Variants in SLC15A1 observed in about 807,000 individuals in gnomAD.
SLC15A1 encodes the protein Caco-2 oligopeptide transporter.
In SLC15A1, 83 loss-of-function variants were observed where a neutral mutation model predicts 92.9. That is an observed-to-expected ratio of 0.89 (90% CI 0.75 to 1.07). The LOEUF is 1.07. Among genes scored for constraint, SLC15A1 ranks in the 50% least tolerant of loss-of-function variants. The pLI is 0.00. For synonymous variants in SLC15A1, 322 were observed against 318.2 expected (o/e 1.01, Z -0.13); for missense variants, 857 against 880.1 (o/e 0.97, Z 0.33).
At chr13:98,741,802 A>G (rs2088450301) in intron 1 of SLC15A1, among the ~76,000 whole-genome samples, 1 of 151,974 alleles carries the variant, frequency 6.6e-6, no homozygotes, top group African/African-American at 2.4e-5. Flanking sequence ...AGTTCCTCTA[A>G]TCCATAAACA....
intron 18 of SLC15A1, among the ~76,000 whole-genome samples, chr13:98,701,772 G>A (rs1397526121): frequency 6.7e-6 from 1 of 150,092 alleles, no homozygotes; most frequent in Non-Finnish European, 1.5e-5. Context: ...CCAGGTTCAA[G>A]CAATTCTCCT....
chr13:98,734,313 C>T (rs1408538522), intron 1 of SLC15A1, among the ~76,000 whole-genome samples: 11 of 152,276 alleles, frequency 7.2e-5, no homozygotes, highest in South Asian at 4.1e-4. Context: ...GCTCCCCTTT[C>T]CAAGATGGCC....
At chr13:98,748,550 C>T (rs1168477220) in intron 1 of SLC15A1, among the ~76,000 whole-genome samples, 1 of 152,180 alleles carries the variant, frequency 6.6e-6, no homozygotes, top group Non-Finnish European at 1.5e-5. Context: ...CTGTCTCAGC[C>T]TCTCCAAACG....
intron 15 of SLC15A1, among the ~76,000 whole-genome samples, chr13:98,708,279 C>A (rs1223596342): frequency 6.6e-6 from 1 of 152,116 alleles, no homozygotes; most frequent in Non-Finnish European, 1.5e-5. Flanking sequence ...TGTGGATTAA[C>A]TGAGAAACCA....
intron 1 of SLC15A1, among the ~76,000 whole-genome samples, chr13:98,736,735 TA>T (rs1355509903): frequency 6.6e-6 from 1 of 151,934 alleles, no homozygotes; most frequent in African/African-American, 2.4e-5. Context: ...AACACACACA[TA>T]AAAAAACGCT....
In SLC15A1 at chr13:98,725,850, C is replaced by CA. The variant is rs1218286340; in HGVS notation, c.245+272dup. Among the ~76,000 whole-genome samples, 3 of 152,292 alleles carry CA rather than the reference C, an allele frequency of 2.0e-5. No homozygotes were observed. The East Asian group carries it at 5.8e-4, about 29-fold the overall frequency. On this transcript the variant is annotated intron_variant, in intron 4 of 22. Transcript: ENST00000376503. ...AGCGGATCCTCCCACCTCAGCCTCC[C>CA]AGCTAGCTGGGGCCACAGGTGTATG...
chr13:98,729,811 C>G (rs2088332540), intron 1 of SLC15A1, among the ~76,000 whole-genome samples: 2 of 152,228 alleles, frequency 1.3e-5, no homozygotes, highest in Non-Finnish European at 2.9e-5. Context: ...ACCACCTCTT[C>G]CTGGGCAGGC....
chr13:98,695,836 A>G (rs2139567047), intron 18 of SLC15A1, among the ~76,000 whole-genome samples: 1 of 152,176 alleles, frequency 6.6e-6, no homozygotes, highest in African/African-American at 2.4e-5. Flanking sequence ...CCTTTAATTC[A>G]CATATTGCTC....
intron 9 of SLC15A1, among the ~76,000 whole-genome samples, chr13:98,715,324 G>A (rs1199243343): frequency 2.6e-5 from 4 of 152,110 alleles, no homozygotes; most frequent in Non-Finnish European, 4.4e-5. Context: ...ACAGGCACCC[G>A]CCACCATGCC....
At position 98,704,427 on chromosome 13, in the gene SLC15A1, T is replaced by C. The variant is rs1286413156; in HGVS notation, c.1278A>G (p.Ala426=). Residue 426 remains alanine (A), a synonymous_variant, in exon 17 of 23, where the codon GCA becomes GCG. Coordinates refer to ENST00000376503, the MANE Select transcript of SLC15A1 (RefSeq NM_005073.4). The part of the protein sequence containing the change: ...VTLGPMSQTN[A]FMTFDVNKLT... ...GTTTGTTTACATCAAAAGTCATAAA[T>C]GCATTTGTCTATAGAGGGAGGGAAA... 2.5e-6 allele frequency: 4 copies of C among 1,612,986 alleles called. No homozygotes were observed. The highest frequency in any genetic ancestry group is 3.3e-5 in the Admixed American group (2 of 59,858).
At chr13:98,730,862 C>T (rs2088345404) in intron 1 of SLC15A1, among the ~76,000 whole-genome samples, 2 of 152,242 alleles carry the variant, frequency 1.3e-5, no homozygotes, top group Non-Finnish European at 2.9e-5. Context: ...CCCAGGCTGA[C>T]CTGCAAGGAG....
At chr13:98,721,749 G>T in intron 6 of SLC15A1, 55 bp downstream of exon 6, 2 of 1,533,320 alleles carry the variant, frequency 1.3e-6, no homozygotes, top group South Asian at 2.3e-5. Flanking sequence ...CGTGGCCTCT[G>T]ACTCCTGGAT....
intron 15 of SLC15A1, among the ~76,000 whole-genome samples, chr13:98,707,720 T>C (rs1430358530): frequency 1.3e-5 from 2 of 151,700 alleles, no homozygotes; most frequent in East Asian, 3.9e-4. Context: ...AGGGGGACCC[T>C]GGCTTTACAA....
Position 98,741,311 on chromosome 13 carries a change from A to G in SLC15A1, c.4+11284T>C, listed in dbSNP as rs190585345. Among the ~76,000 whole-genome samples the G allele has an allele frequency of 1.9e-3, 293 of 152,324 alleles. 2 individuals are homozygous for G. Among genetic ancestry groups the G allele is most frequent in the South Asian group, 0.016 (79 of 4,830 alleles). ...GTGCCCATCCTCAACTGCTCTTCAT[A>G]GAAATAGCCTCCTTTTCAGGAGCAG... On this transcript the variant is annotated intron_variant, in intron 1 of 22. Coordinates refer to ENST00000376503, the MANE Select transcript of SLC15A1 (RefSeq NM_005073.4).
intron 18 of SLC15A1, among the ~76,000 whole-genome samples, chr13:98,699,229 C>A (rs1395933050): frequency 6.6e-6 from 1 of 152,096 alleles, no homozygotes; most frequent in Non-Finnish European, 1.5e-5. Flanking sequence ...GGGAGTGGGA[C>A]TGGGCAAGAG....
chr13:98,740,793 G>C (rs1468154735), intron 1 of SLC15A1, among the ~76,000 whole-genome samples: 2 of 152,198 alleles, frequency 1.3e-5, no homozygotes, highest in South Asian at 4.1e-4. Context: ...GTGGGAAAGA[G>C]GAAGGATATG....
In SLC15A1 at chr13:98,737,061, C is replaced by G. The variant is rs142956041; in HGVS notation, c.5-10202G>C. 8.8e-3 allele frequency among the ~76,000 whole-genome samples: 1,336 copies of G among 152,294 alleles called. 12 individuals carry two copies. The highest frequency in any genetic ancestry group is 0.02 in the South Asian group (99 of 4,830). On this transcript the variant is annotated intron_variant, in intron 1 of 22. Coordinates refer to ENST00000376503, the MANE Select transcript of SLC15A1 (RefSeq NM_005073.4). ...ATGCACACGTATGTTTATTGTGGCA[C>G]TATTCACAATAGCAAAGACTTGGAA...
chr13:98,699,101 C>T (rs1353879530), intron 18 of SLC15A1, among the ~76,000 whole-genome samples: 3 of 152,200 alleles, frequency 2.0e-5, no homozygotes, highest in African/African-American at 4.8e-5. Context: ...TCAAACCTTT[C>T]CTCCACTCCT....
At chr13:98,738,417 A>T (rs1355228608) in intron 1 of SLC15A1, among the ~76,000 whole-genome samples, 1 of 152,254 alleles carries the variant, frequency 6.6e-6, no homozygotes, top group East Asian at 1.9e-4. Context: ...CTCCCATCAC[A>T]GGGCCCAGAG....
Sources: allele counts gnomAD v4.1 joint callset (sites outside exome capture counted in the v4.1 genomes callset), GRCh38; gene constraint gnomAD v4.1.1; transcripts MANE v1.5; gene names NCBI Gene and HGNC (gene_info 2026-07-23, HGNC 2026-07-21).